The following ARID5B variants were observed in gnomAD, a reference collection of about 807,000 sequenced individuals.
ARID5B encodes the protein AT-rich interactive domain-containing protein 5B.
ARID5B carries 13 observed loss-of-function variants against 97.2 expected under a neutral mutation model. The ratio of observed to expected loss-of-function variants is 0.13; its 90% CI spans 0.09 to 0.21. ARID5B has a LOEUF of 0.21. ARID5B is among the 10% of genes least tolerant of loss of function. The pLI, the probability that ARID5B is intolerant of heterozygous loss-of-function variation, is 1.00. For missense variants in ARID5B, 1,210 were observed against 1,465.3 expected (o/e 0.83, Z 2.84); for synonymous variants, 556 against 570.3 (o/e 0.97, Z 0.36).
At chr10:61,985,061 T>G (rs1164589757) in intron 3 of ARID5B, among the ~76,000 whole-genome samples, 1 of 152,060 alleles carries the variant, frequency 6.6e-6, no homozygotes, top group East Asian at 2.0e-4. Context: ...GAAAGATTAA[T>G]GAGTCATGGT....
chr10:61,946,695 G>A (rs1838241081), intron 3 of ARID5B, among the ~76,000 whole-genome samples: 1 of 152,158 alleles, frequency 6.6e-6, no homozygotes, highest in South Asian at 2.1e-4. Flanking sequence ...GGCCAAGGCG[G>A]GTGGATCACA....
chr10:61,912,749 C>G (rs539896297), intron 2 of ARID5B, among the ~76,000 whole-genome samples: 2 of 145,452 alleles, frequency 1.4e-5, no homozygotes, highest in African/African-American at 4.9e-5. Flanking sequence ...ATACATTACA[C>G]ATATATACAT....
At chr10:62,067,898 A>C (rs1009239970) in intron 7 of ARID5B, among the ~76,000 whole-genome samples, 1 of 152,236 alleles carries the variant, frequency 6.6e-6, no homozygotes, top group African/African-American at 2.4e-5. Context: ...AGGAGACACA[A>C]GGATGATCAG....
intron 3 of ARID5B, among the ~76,000 whole-genome samples, chr10:61,997,712 C>T (rs1471040729): frequency 6.6e-6 from 1 of 152,154 alleles, no homozygotes; most frequent in Non-Finnish European, 1.5e-5. Flanking sequence ...ATGCCTCTCT[C>T]TCATTAACAA....
At chr10:62,023,216 C>T (rs1426103460) in intron 4 of ARID5B, among the ~76,000 whole-genome samples, 1 of 152,180 alleles carries the variant, frequency 6.6e-6, no homozygotes, top group African/African-American at 2.4e-5. Context: ...AGCTGAATGT[C>T]TGAAAGTAAC....
At chr10:62,023,722 T>G (rs185074782) in intron 4 of ARID5B, among the ~76,000 whole-genome samples, 98 of 152,346 alleles carry the variant, frequency 6.4e-4, no homozygotes, top group African/African-American at 2.2e-3. Context: ...AAGGAAGCCT[T>G]ACTTATAAAA....
intron 3 of ARID5B, among the ~76,000 whole-genome samples, chr10:61,944,272 CAGA>C (rs760552627): frequency 2.8e-4 from 43 of 151,966 alleles, no homozygotes; most frequent in East Asian, 5.8e-4. Context: ...CCTGTTTTTC[CAGA>C]AGAATTGGGT....
intron 4 of ARID5B, among the ~76,000 whole-genome samples, chr10:62,041,828 G>C (rs1395348561): frequency 6.6e-6 from 1 of 152,168 alleles, no homozygotes; most frequent in African/African-American, 2.4e-5. Context: ...GTTTATAAAT[G>C]AGTTTAAAAA....
chr10:62,066,386 C>A (rs916744420), intron 7 of ARID5B, among the ~76,000 whole-genome samples: 2 of 152,196 alleles, frequency 1.3e-5, no homozygotes, highest in Non-Finnish European at 2.9e-5. Flanking sequence ...GTGAAGGGCA[C>A]ATTTTATGAC....
rs140035109 is a variant in ARID5B, at chr10:61,943,288, G to C, written c.502+2880G>C. On this transcript the variant is annotated intron_variant, in intron 3 of 9. Coordinates refer to ENST00000279873, the MANE Select transcript of ARID5B (RefSeq NM_032199.3). The stretch of plus-strand genomic sequence containing the variant: ...TATAACATCAAAATATTTGTTGTCT[G>C]TACTTTTCTTTCTCCGCAGTGGTTT... Among the ~76,000 whole-genome samples, 949 of 152,234 alleles carry C rather than the reference G, an allele frequency of 6.2e-3. 3 individuals carry two copies. Among genetic ancestry groups the C allele is most frequent in the South Asian group, 0.013 (61 of 4,820 alleles).
At chr10:61,962,993 GT>G (rs758366419) in intron 3 of ARID5B, among the ~76,000 whole-genome samples, 3 of 151,688 alleles carry the variant, frequency 2.0e-5, no homozygotes, top group East Asian at 1.9e-4. Context: ...CCCTACAGTT[GT>G]TTTTTTTCTT....
chr10:61,922,623 T>C (rs1367666112), intron 2 of ARID5B, among the ~76,000 whole-genome samples: 4 of 152,130 alleles, frequency 2.6e-5, no homozygotes, highest in African/African-American at 9.7e-5. Flanking sequence ...AATAGGTATG[T>C]TTCATGCACA....
chr10:62,084,768 T>A (rs1281358836), intron 8 of ARID5B, among the ~76,000 whole-genome samples: 1 of 152,230 alleles, frequency 6.6e-6, no homozygotes, highest in Admixed American at 6.5e-5. Context: ...ATGTTTCTCT[T>A]TTTAGAGCAA....
chr10:61,988,060 C>A (rs143069105), intron 3 of ARID5B, among the ~76,000 whole-genome samples: 105 of 152,288 alleles, frequency 6.9e-4, no homozygotes, highest in African/African-American at 2.5e-3. Context: ...CAGTACTAAC[C>A]CTGTACAAAA....
At chr10:62,075,523 C>T (rs1840118771) in intron 8 of ARID5B, among the ~76,000 whole-genome samples, 1 of 152,230 alleles carries the variant, frequency 6.6e-6, no homozygotes, top group Non-Finnish European at 1.5e-5. Flanking sequence ...GAGCAAAACA[C>T]CCTCTGTGGC....
chr10:61,996,845 G>A (rs2132862766), intron 3 of ARID5B, among the ~76,000 whole-genome samples: 1 of 150,596 alleles, frequency 6.6e-6, no homozygotes, highest in South Asian at 2.1e-4. Context: ...GTACTGGGGG[G>A]TTAGGAGAGA....
intron 4 of ARID5B, chr10:62,024,820 G>C: frequency 2.7e-6 from 1 of 375,164 alleles, no homozygotes; most frequent in Non-Finnish European, 4.8e-6. Flanking sequence ...TATTCTTTTC[G>C]GGTTCTGAAA....
rs199587188 is a variant in ARID5B at position 61,947,261 on chromosome 10, C to CTTTTTTTTTTTTTTTTTTTT, written c.502+6859_502+6878dup. On this transcript the variant is annotated intron_variant, in intron 3 of 9. Transcript: ENST00000279873. ...ACCAGTATATCTTCTCACTTACTTT[C>CTTTTTTTTTTTTTTTTTTTT]TTTTTTTTTTTTTTTTTTTTTTTTT... 5.1e-4 allele frequency among the ~76,000 whole-genome samples: 64 copies of CTTTTTTTTTTTTTTTTTTTT among 124,290 alleles called. 6 individuals carry two copies. The highest frequency in any genetic ancestry group is 9.3e-4 in the South Asian group (3 of 3,240). The allele number at this position is 124,290 out of a possible 152,430, so 81.5% of individuals were successfully genotyped here. A position where few individuals can be genotyped will look rare whatever the true frequency, so the allele number is the denominator to read the frequency against.
At chr10:62,009,654 G>A (rs916431543) in intron 4 of ARID5B, among the ~76,000 whole-genome samples, 1 of 152,204 alleles carries the variant, frequency 6.6e-6, no homozygotes, top group Non-Finnish European at 1.5e-5. Context: ...AATGCAAGAA[G>A]CCTAGAGCTA....
Sources: gnomAD v4.1 joint callset for allele counts (sites outside exome capture counted in the v4.1 genomes callset) on GRCh38, gnomAD v4.1.1 for gene constraint, MANE v1.5 for transcripts, NCBI Gene and HGNC (gene_info 2026-07-23, HGNC 2026-07-21) for gene names.